The following CHN1 variants were observed in gnomAD, a reference collection of about 807,000 sequenced individuals.
CHN1 encodes chimerin 1.
In CHN1, 37 loss-of-function variants were observed where a neutral mutation model predicts 59.5. That is an observed-to-expected ratio of 0.62 (90% confidence interval 0.48 to 0.82). CHN1 has a LOEUF of 0.82. Ranked by LOEUF, CHN1 falls within the 40% of genes least tolerant of loss-of-function variation. CHN1 has a pLI of 0.00. For synonymous variants in CHN1, 206 were observed against 200.4 expected (o/e 1.03, Z -0.24); for missense variants, 469 against 571.0 (o/e 0.82, Z 1.82).
intron 5 of CHN1, among the ~76,000 whole-genome samples, chr2:174,895,028 T>C (rs62183353): frequency 0.028 from 4,058 of 145,946 alleles, 88 homozygotes; most frequent in Admixed American, 0.084. Context: ...AAAAACATAG[T>C]ATATACACAC....
chr2:174,846,401 C>A, intron 7 of CHN1: 1 of 1,545,822 alleles, frequency 6.5e-7, no homozygotes, highest in South Asian at 1.2e-5. Context: ...CTCCTTTCAT[C>A]ATGGTCAATT....
At chr2:174,878,583 C>A (rs1328212559) in intron 5 of CHN1, among the ~76,000 whole-genome samples, 1 of 152,140 alleles carries the variant, frequency 6.6e-6, no homozygotes, top group Non-Finnish European at 1.5e-5. Flanking sequence ...TAGGAAAGCT[C>A]CATTTAGGGC....
chr2:174,995,141 C>T (rs1238830035), intron 1 of CHN1, among the ~76,000 whole-genome samples: 3 of 152,046 alleles, frequency 2.0e-5, no homozygotes, highest in African/African-American at 4.8e-5. Flanking sequence ...GATTGAGTAC[C>T]TATTATGTGC....
intron 1 of CHN1, among the ~76,000 whole-genome samples, chr2:174,972,513 C>T (rs1183103089): frequency 4.6e-5 from 7 of 152,114 alleles, no homozygotes; most frequent in Admixed American, 2.6e-4. Context: ...GTCTATGAAT[C>T]ACTTTGTTGG....
At chr2:174,866,610 T>C (rs1057091799) in intron 6 of CHN1, among the ~76,000 whole-genome samples, 3 of 152,198 alleles carry the variant, frequency 2.0e-5, no homozygotes, top group Admixed American at 6.5e-5. Context: ...AGCCACAAGA[T>C]AGCAAAATAG....
chr2:174,850,508 G>A (rs1003358081), intron 6 of CHN1, among the ~76,000 whole-genome samples: 3 of 152,116 alleles, frequency 2.0e-5, no homozygotes, highest in Admixed American at 1.3e-4. Flanking sequence ...AGGTTACTGG[G>A]AAGTTTAAAG....
At chr2:175,003,500 C>T (rs761959603) in intron 1 of CHN1, among the ~76,000 whole-genome samples, 12 of 152,114 alleles carry the variant, frequency 7.9e-5, no homozygotes, top group Non-Finnish European at 4.4e-5. Context: ...GACTTGTAAA[C>T]CTTACTTCTG....
intron 10 of CHN1, among the ~76,000 whole-genome samples, chr2:174,809,524 T>C (rs1205300486): frequency 2.0e-5 from 3 of 152,246 alleles, no homozygotes; most frequent in African/African-American, 7.2e-5. Flanking sequence ...TTAAACAAGC[T>C]AGGGGCCTAA....
At chr2:174,871,880 C>T (rs1392895789) in intron 6 of CHN1, among the ~76,000 whole-genome samples, 1 of 152,166 alleles carries the variant, frequency 6.6e-6, no homozygotes, top group Non-Finnish European at 1.5e-5. Context: ...GGGAGGCATA[C>T]AATAAATGCT....
At chr2:174,966,058 A>G (rs1421255316) in intron 1 of CHN1, among the ~76,000 whole-genome samples, 1 of 152,224 alleles carries the variant, frequency 6.6e-6, no homozygotes, top group Non-Finnish European at 1.5e-5. Flanking sequence ...GTTTCTAGGT[A>G]TCTCACATCC....
intron 6 of CHN1, among the ~76,000 whole-genome samples, chr2:174,868,832 GGT>G (rs1687310934): frequency 6.6e-6 from 1 of 152,112 alleles, no homozygotes; most frequent in South Asian, 2.1e-4. Context: ...ATGTTGTAGT[GGT>G]GTTCCATAGG....
intron 6 of CHN1, among the ~76,000 whole-genome samples, chr2:174,861,339 T>C (rs1456338593): frequency 1.3e-5 from 2 of 152,322 alleles, no homozygotes; most frequent in East Asian, 1.9e-4. Flanking sequence ...GATGCTGATA[T>C]TGATACTGTT....
intron 3 of CHN1, among the ~76,000 whole-genome samples, chr2:174,933,143 G>T (rs1445435025): frequency 6.6e-6 from 1 of 152,196 alleles, no homozygotes; most frequent in African/African-American, 2.4e-5. Context: ...TTAGACATAT[G>T]AGAGGGGATG....
intron 1 of CHN1, among the ~76,000 whole-genome samples, chr2:174,956,105 T>C (rs1418937432): frequency 6.6e-6 from 1 of 152,066 alleles, no homozygotes; most frequent in African/African-American, 2.4e-5. Flanking sequence ...AGAAGAAAAA[T>C]AACTTTTCCA....
intron 6 of CHN1, chr2:174,847,829 G>A (rs527738532): frequency 3.7e-5 from 17 of 458,822 alleles, no homozygotes; most frequent in Admixed American, 1.1e-4. Flanking sequence ...AGAAATGAAT[G>A]AGTCATGCAT....
At chr2:174,851,526 C>A (rs1352928302) in intron 6 of CHN1, among the ~76,000 whole-genome samples, 1 of 152,196 alleles carries the variant, frequency 6.6e-6, no homozygotes, top group Non-Finnish European at 1.5e-5. Context: ...AAGTGATTCA[C>A]TGGCCTCAGC....
At chr2:174,870,692 T>C (rs1463834861) in intron 6 of CHN1, among the ~76,000 whole-genome samples, 1 of 152,206 alleles carries the variant, frequency 6.6e-6, no homozygotes, top group African/African-American at 2.4e-5. Context: ...GTTACTCTTC[T>C]ATAAGCTACC....
At chr2:174,847,191 C>A in intron 6 of CHN1, 2 of 1,493,730 alleles carry the variant, frequency 1.3e-6, no homozygotes, top group South Asian at 1.4e-5. Context: ...GATATCTATT[C>A]AGCTAACACA....
At chr2:174,845,925 AAATG>A (rs1347174887) in intron 7 of CHN1, among the ~76,000 whole-genome samples, 3 of 152,186 alleles carry the variant, frequency 2.0e-5, no homozygotes, top group African/African-American at 7.2e-5. Context: ...ATAAATAAAT[AAATG>A]AAAGATCATG....
Sources: gnomAD v4.1 joint callset for allele counts (sites outside exome capture counted in the v4.1 genomes callset) on GRCh38, gnomAD v4.1.1 for gene constraint, MANE v1.5 for transcripts, NCBI Gene and HGNC (gene_info 2026-07-23, HGNC 2026-07-21) for gene names.